Variants in CDH2 observed in about 807,000 individuals in gnomAD.
CDH2 encodes cadherin 2.
A neutral mutation model predicts 92.0 loss-of-function variants in CDH2; 17 were observed. That is an observed-to-expected ratio of 0.18 (90% confidence interval 0.13 to 0.28). The LOEUF (loss-of-function observed/expected upper bound fraction) is 0.28, where lower values mean the gene tolerates loss of function less well. Ranked by LOEUF, CDH2 falls within the 10% of genes least tolerant of loss-of-function variation. CDH2 has a pLI of 1.00. For synonymous variants in CDH2, 419 were observed against 415.9 expected (o/e 1.01, Z -0.09); for missense variants, 862 against 1,133.1 (o/e 0.76, Z 3.44).
chr18:28,152,939 G>T (rs1258567681), intron 1 of CDH2, among the ~76,000 whole-genome samples: 2 of 152,122 alleles, frequency 1.3e-5, no homozygotes, highest in Non-Finnish European at 2.9e-5. Context: ...ACTGGGGGAG[G>T]GAGGGAGGAA....
intron 1 of CDH2, among the ~76,000 whole-genome samples, chr18:28,163,509 T>C (rs949385983): frequency 6.6e-6 from 1 of 152,220 alleles, no homozygotes; most frequent in African/African-American, 2.4e-5. Flanking sequence ...GATTCTCATA[T>C]AAAGTTTGGG....
chr18:27,965,071 T>C (rs899171234), intron 14 of CDH2, among the ~76,000 whole-genome samples: 5 of 152,218 alleles, frequency 3.3e-5, no homozygotes, highest in African/African-American at 1.2e-4. Flanking sequence ...AAGAAACCCA[T>C]GAAAAATGTT....
chr18:28,055,343 T>C (rs902418426), intron 2 of CDH2, among the ~76,000 whole-genome samples: 1 of 152,100 alleles, frequency 6.6e-6, no homozygotes, highest in African/African-American at 2.4e-5. Flanking sequence ...GAGATTTGGG[T>C]GGGGACACAG....
At chr18:28,057,871 A>G (rs2014324985) in intron 2 of CDH2, among the ~76,000 whole-genome samples, 1 of 152,176 alleles carries the variant, frequency 6.6e-6, no homozygotes, top group South Asian at 2.1e-4. Flanking sequence ...TAAAGTTTCC[A>G]TTATTAAAAG....
chr18:28,038,240 T>G (rs980165289), intron 2 of CDH2, among the ~76,000 whole-genome samples: 3 of 152,062 alleles, frequency 2.0e-5, no homozygotes, highest in African/African-American at 7.2e-5. Context: ...CTGGGCAATA[T>G]GGCAAAACTC....
intron 1 of CDH2, among the ~76,000 whole-genome samples, chr18:28,154,691 C>T (rs2016181617): frequency 1.3e-5 from 2 of 152,166 alleles, no homozygotes; most frequent in Admixed American, 1.3e-4. Flanking sequence ...TCATAGTCAT[C>T]CTTGGTCACT....
rs1450731942 is a variant in CDH2 at position 27,992,788 on chromosome 18, G to A, written c.1211C>T (p.Thr404Ile). ...NRVDIIVANLTVTDKDQPHTP... is the reference protein window; with the variant it reads ...NRVDIIVANLIVTDKDQPHTP... Reference sequence around the variant, plus strand: ...ATGGGGTTGATCCTTATCGGTCACAGTTAGATTAGCTACTATGATGTCTAC... The same window carrying A: ...ATGGGGTTGATCCTTATCGGTCACAATTAGATTAGCTACTATGATGTCTAC... Residue 404 changes from threonine to isoleucine, a missense_variant, in exon 9 of 16, where the codon ACT becomes ATT. Physicochemically the swap from Thr to Ile is moderately conservative, Grantham distance 89. Coordinates refer to ENST00000269141, the MANE Select transcript of CDH2 (RefSeq NM_001792.5). 6.2e-7 allele frequency: 1 copy of A among 1,613,998 alleles called. No homozygotes were observed. The highest frequency in any genetic ancestry group is 1.7e-5 in the Admixed American group (1 of 60,024).
At chr18:28,038,875 T>C (rs143310313) in intron 2 of CDH2, among the ~76,000 whole-genome samples, 18 of 152,292 alleles carry the variant, frequency 1.2e-4, no homozygotes, top group African/African-American at 4.1e-4. Flanking sequence ...AAACTAAATT[T>C]TTTAAGAGCA....
At chr18:27,978,977 T>A (rs1266307193) in intron 14 of CDH2, among the ~76,000 whole-genome samples, 1 of 151,444 alleles carries the variant, frequency 6.6e-6, no homozygotes, top group African/African-American at 2.4e-5. Context: ...AATAGAAACA[T>A]GAGCACTAAC....
At chr18:28,133,677 C>T (rs1045929000) in intron 2 of CDH2, among the ~76,000 whole-genome samples, 6 of 150,926 alleles carry the variant, frequency 4.0e-5, no homozygotes, top group African/African-American at 1.5e-4. Context: ...CTCTTGTTTG[C>T]GTGCAGTTTT....
intron 9 of CDH2, among the ~76,000 whole-genome samples, chr18:27,991,395 C>T (rs921533712): frequency 6.6e-6 from 1 of 152,070 alleles, no homozygotes. Flanking sequence ...CTCTCTAAAT[C>T]CCCAATTCAA....
chr18:27,983,796 C>T (rs2012137169), intron 13 of CDH2, among the ~76,000 whole-genome samples: 1 of 152,232 alleles, frequency 6.6e-6, no homozygotes. Context: ...TCTTCATTGC[C>T]ATAATCCATC....
At position 28,008,546 on chromosome 18, in the gene CDH2, GA is replaced by G. The variant is rs574705142; in HGVS notation, c.702+1170del. 2.0e-3 allele frequency among the ~76,000 whole-genome samples: 300 copies of G among 152,180 alleles called. 5 individuals are homozygous for G. Among genetic ancestry groups the G allele is most frequent in the African/African-American group, 7.0e-3 (289 of 41,538 alleles). On this transcript the variant is annotated intron_variant, in intron 5 of 15. Coordinates refer to ENST00000269141, the MANE Select transcript of CDH2 (RefSeq NM_001792.5). ...CATTCATAGGTGGGAACTGAACAAT[GA>G]GAACACTTAGACACAGGGTGGAGAA...
chr18:27,972,912 G>T (rs573777923), intron 14 of CDH2, among the ~76,000 whole-genome samples: 1 of 152,200 alleles, frequency 6.6e-6, no homozygotes, highest in Admixed American at 6.5e-5. Context: ...TCTAAGACAA[G>T]ATGTCTTGAG....
intron 14 of CDH2, among the ~76,000 whole-genome samples, chr18:27,970,860 T>TA (rs1439370784): frequency 6.6e-6 from 1 of 152,130 alleles, no homozygotes; most frequent in Non-Finnish European, 1.5e-5. Context: ...AGATAACACA[T>TA]AAAAAATGGG....
intron 2 of CDH2, among the ~76,000 whole-genome samples, chr18:28,075,253 C>A (rs1314309955): frequency 1.3e-5 from 2 of 152,080 alleles, no homozygotes; most frequent in Non-Finnish European, 2.9e-5. Context: ...CATATGGGAT[C>A]ACATACATCT....
At chr18:28,024,646 T>TG (rs1167317307) in intron 2 of CDH2, among the ~76,000 whole-genome samples, 1 of 151,674 alleles carries the variant, frequency 6.6e-6, no homozygotes, top group Admixed American at 6.6e-5. Context: ...AAATATATTT[T>TG]GAAAACCATC....
chr18:27,944,629 AATATC>A (rs1909223418), intron 6 of CDH2, among the ~76,000 whole-genome samples: 1 of 151,806 alleles, frequency 6.6e-6, no homozygotes, highest in Admixed American at 6.6e-5. Context: ...GGGCACTTAA[AATATC>A]AGGTCAGGTG....
intron 2 of CDH2, among the ~76,000 whole-genome samples, chr18:28,025,659 G>A (rs781627435): frequency 5.3e-5 from 8 of 151,398 alleles, no homozygotes; most frequent in Admixed American, 1.3e-4. Flanking sequence ...GTACAGTGTG[G>A]TGTTTTGATA....
Sources: gnomAD v4.1 joint callset for allele counts (sites outside exome capture counted in the v4.1 genomes callset) on GRCh38, gnomAD v4.1.1 for gene constraint, MANE v1.5 for transcripts, NCBI Gene and HGNC (gene_info 2026-07-23, HGNC 2026-07-21) for gene names.